The following SLIT2 variants were observed in gnomAD, a reference collection of about 807,000 sequenced individuals.
SLIT2 encodes the protein slit homolog 2 protein.
Under a neutral mutation model 185.7 loss-of-function variants are expected in SLIT2, and 41 were observed. That is an observed-to-expected ratio of 0.22 (90% CI 0.17 to 0.29). The LOEUF (loss-of-function observed/expected upper bound fraction) is 0.29, where lower values mean the gene tolerates loss of function less well. Among genes scored for constraint, SLIT2 ranks in the 10% least tolerant of loss-of-function variants. The pLI, the probability that SLIT2 is intolerant of heterozygous loss-of-function variation, is 1.00. For missense variants in SLIT2, 1,571 were observed against 1,909.0 expected (o/e 0.82, Z 3.30); for synonymous variants, 693 against 680.2 (o/e 1.02, Z -0.29).
intron 30 of SLIT2, among the ~76,000 whole-genome samples, chr4:20,592,949 CTATA>C (rs1486233557): frequency 1.3e-5 from 2 of 152,124 alleles, no homozygotes; most frequent in African/African-American, 4.8e-5. Flanking sequence ...CTCTTAGAGG[CTATA>C]TACTCCCATT....
At chr4:20,553,672 G>C (rs578170061) in intron 25 of SLIT2, 133 bp from the exon 26 acceptor site, 3 of 813,588 alleles carry the variant, frequency 3.7e-6, no homozygotes, top group Non-Finnish European at 5.1e-6. Context: ...AAATCTATGG[G>C]GATTTTCTGC....
chr4:20,509,228 T>C (rs1047643109), intron 9 of SLIT2, among the ~76,000 whole-genome samples: 2 of 151,836 alleles, frequency 1.3e-5, no homozygotes, highest in African/African-American at 4.8e-5. Context: ...CTCATGCCAG[T>C]TGAGCTTTAT....
At chr4:20,514,448 C>T (rs558277365) in intron 11 of SLIT2, among the ~76,000 whole-genome samples, 82 of 152,154 alleles carry the variant, frequency 5.4e-4, no homozygotes, top group African/African-American at 1.9e-3. Context: ...CAAGACTGGC[C>T]TGGCCAACAT....
intron 3 of SLIT2, among the ~76,000 whole-genome samples, chr4:20,260,318 A>C (rs903574237): frequency 3.3e-5 from 5 of 151,734 alleles, no homozygotes; most frequent in Non-Finnish European, 7.4e-5. Flanking sequence ...GTATTGTGTA[A>C]ATTTATATGG....
chr4:20,561,607 T>A (rs1034529003), intron 26 of SLIT2, among the ~76,000 whole-genome samples: 1 of 151,760 alleles, frequency 6.6e-6, no homozygotes, highest in Non-Finnish European at 1.5e-5. Context: ...TAATAATTAT[T>A]CAAAACTGAT....
At chr4:20,317,957 T>C (rs1272686253) in intron 4 of SLIT2, among the ~76,000 whole-genome samples, 1 of 152,106 alleles carries the variant, frequency 6.6e-6, no homozygotes, top group Non-Finnish European at 1.5e-5. Context: ...GAAGAAACAT[T>C]TTCCAAAATG....
At chr4:20,507,913 T>A (rs1296191837) in intron 9 of SLIT2, among the ~76,000 whole-genome samples, 1 of 151,956 alleles carries the variant, frequency 6.6e-6, no homozygotes, top group Admixed American at 6.6e-5. Flanking sequence ...CATCTATAGC[T>A]CGTATTCTCT....
chr4:20,347,997 A>G (rs1721561809), intron 4 of SLIT2, among the ~76,000 whole-genome samples: 1 of 152,234 alleles, frequency 6.6e-6, no homozygotes, highest in Non-Finnish European at 1.5e-5. Context: ...GTACTGTTAC[A>G]ATTTAAACAT....
intron 4 of SLIT2, among the ~76,000 whole-genome samples, chr4:20,316,935 A>AT (rs1298207792): frequency 6.6e-6 from 1 of 151,684 alleles, no homozygotes; most frequent in Non-Finnish European, 1.5e-5. Flanking sequence ...TATGTTTAAA[A>AT]TAAGTATGAA....
intron 4 of SLIT2, among the ~76,000 whole-genome samples, chr4:20,404,024 G>C (rs2109406636): frequency 6.6e-6 from 1 of 152,046 alleles, no homozygotes; most frequent in Non-Finnish European, 1.5e-5. Flanking sequence ...ATCTACAGCA[G>C]TGTCCAAATG....
intron 4 of SLIT2, among the ~76,000 whole-genome samples, chr4:20,429,322 A>G (rs560503109): frequency 6.6e-6 from 1 of 152,324 alleles, no homozygotes; most frequent in East Asian, 1.9e-4. Context: ...AAATGTTAAA[A>G]TGTGGATTAT....
chr4:20,564,805 GA>G (rs1442909225), intron 26 of SLIT2, among the ~76,000 whole-genome samples: 1 of 151,020 alleles, frequency 6.6e-6, no homozygotes, highest in African/African-American at 2.4e-5. Flanking sequence ...TAGCTAAACT[GA>G]ACATATATGA....
chr4:20,620,091 A>G lies in SLIT2; in HGVS notation c.*1082A>G. On this transcript the variant is annotated 3_prime_UTR_variant, in exon 37 of 37. Coordinates refer to ENST00000504154, the MANE Select transcript of SLIT2 (RefSeq NM_004787.4). ...AGAGGAAAACAGAAATCTGTATGTG[A>G]GATGGTCATTGTACAGAAAGAAGTG... is the stretch of plus-strand genomic sequence containing the variant. The G allele has an allele frequency of 4.5e-6, 1 of 222,740 alleles. No individual in the cohort carries two copies. Among genetic ancestry groups the G allele is most frequent in the Non-Finnish European group, 9.0e-6 (1 of 110,864 alleles). 13.8% of individuals were successfully genotyped at this position (222,740 alleles called of 1,614,324 possible).
intron 4 of SLIT2, among the ~76,000 whole-genome samples, chr4:20,363,437 T>C (rs1722889561): frequency 6.6e-6 from 1 of 152,148 alleles, no homozygotes; most frequent in African/African-American, 2.4e-5. Context: ...TTGCTTAATA[T>C]TGTTTCTGTC....
At chr4:20,449,123 A>G (rs1712175412) in intron 4 of SLIT2, among the ~76,000 whole-genome samples, 1 of 152,168 alleles carries the variant, frequency 6.6e-6, no homozygotes, top group East Asian at 1.9e-4. Flanking sequence ...ACTACCAATT[A>G]AAAACAATTA....
At position 20,252,074 on chromosome 4, in the gene SLIT2, A is replaced by G. The variant is rs1488466403; in HGVS notation, c.-1742A>G. On this transcript the variant is annotated 5_prime_UTR_variant, in exon 1 of 37. Coordinates refer to ENST00000504154, the MANE Select transcript of SLIT2 (RefSeq NM_004787.4). ...GCCGAAGCGCCCAGGCGCAGGCCGA[A>G]GCTGCCGCGCTTTCTGGGCACGGCG... 6.6e-6 allele frequency among the ~76,000 whole-genome samples: 1 copy of G among 152,074 alleles called. No individual in the cohort carries two copies. The highest frequency in any genetic ancestry group is 2.1e-4 in the South Asian group (1 of 4,828).
intron 9 of SLIT2, 31 bp downstream of exon 9, chr4:20,491,930 C>T: frequency 6.2e-7 from 1 of 1,604,272 alleles, no homozygotes; most frequent in Non-Finnish European, 8.5e-7. Context: ...CTTATCTCCC[C>T]ACCTTCCCGG....
Position 20,524,224 on chromosome 4 carries a change from A to T in SLIT2, c.1438+47A>T, listed in dbSNP as rs377615984. The T allele has an allele frequency of 3.3e-4, 515 of 1,580,000 alleles. 1 individual carries two copies. Among genetic ancestry groups the T allele is most frequent in the Middle Eastern group, 6.7e-4 (4 of 5,956 alleles). On this transcript the variant is annotated intron_variant, in intron 14 of 36. Coordinates refer to ENST00000504154, the MANE Select transcript of SLIT2 (RefSeq NM_004787.4). ...TCCCCTGTGACCAACAACAATGGTT[A>T]CATGAGACCTAACAAAAGCAGCTGG... is the stretch of plus-strand genomic sequence containing the variant.
chr4:20,437,609 T>C (rs1560422342), intron 4 of SLIT2, among the ~76,000 whole-genome samples: 1 of 147,154 alleles, frequency 6.8e-6, no homozygotes, highest in Non-Finnish European at 1.5e-5. Context: ...AGTGAGACCT[T>C]ATCTTATAAA....
Sources: gnomAD v4.1 joint callset for allele counts (sites outside exome capture counted in the v4.1 genomes callset) on GRCh38, gnomAD v4.1.1 for gene constraint, MANE v1.5 for transcripts, NCBI Gene and HGNC (gene_info 2026-07-23, HGNC 2026-07-21) for gene names.